Variants in THSD4 observed in about 807,000 individuals in gnomAD.
THSD4 encodes the protein thrombospondin type-1 domain-containing protein 4.
A neutral mutation model predicts 119.0 loss-of-function variants in THSD4; 69 were observed. The ratio of observed to expected loss-of-function variants is 0.58; its 90% CI spans 0.48 to 0.71. The LOEUF is 0.71. Among genes scored for constraint, THSD4 ranks in the 30% least tolerant of loss-of-function variants. THSD4 has a pLI of 0.00. For missense variants in THSD4, 1,393 were observed against 1,391.1 expected (o/e 1.00, Z -0.02); for synonymous variants, 524 against 540.4 (o/e 0.97, Z 0.42).
At chr15:71,392,060 TAAAAG>T (rs1325525618) in intron 6 of THSD4, among the ~76,000 whole-genome samples, 2 of 152,162 alleles carry the variant, frequency 1.3e-5, no homozygotes, top group African/African-American at 4.8e-5. Context: ...CAGAGAAAAT[TAAAAG>T]AACAGGCAGC....
intron 4 of THSD4, among the ~76,000 whole-genome samples, chr15:71,229,565 G>T (rs958720905): frequency 6.6e-6 from 1 of 152,136 alleles, no homozygotes; most frequent in African/African-American, 2.4e-5. Context: ...ATAATGACAA[G>T]AAAAAAGTCT....
At chr15:71,403,109 T>C (rs908779006) in intron 6 of THSD4, among the ~76,000 whole-genome samples, 4 of 152,152 alleles carry the variant, frequency 2.6e-5, no homozygotes, top group Admixed American at 1.3e-4. Context: ...TACAGCTGTC[T>C]TGTTGGGATC....
At chr15:71,514,392 AG>A (rs1470344750) in intron 7 of THSD4, among the ~76,000 whole-genome samples, 2 of 152,198 alleles carry the variant, frequency 1.3e-5, no homozygotes, top group Admixed American at 1.3e-4. Context: ...GGAGCCTGCC[AG>A]TAGAGAAGGT....
intron 1 of THSD4, among the ~76,000 whole-genome samples, chr15:71,119,037 G>A (rs2040387482): frequency 6.6e-6 from 1 of 152,218 alleles, no homozygotes; most frequent in South Asian, 2.1e-4. Flanking sequence ...GCCATGCTTA[G>A]TGAGCACTGG....
intron 11 of THSD4, among the ~76,000 whole-genome samples, chr15:71,740,565 A>G (rs2053214990): frequency 6.6e-6 from 1 of 152,150 alleles, no homozygotes; most frequent in African/African-American, 2.4e-5. Context: ...GGGCAAATGC[A>G]TGTGCTGGTT....
At chr15:71,476,244 T>G (rs567367116) in intron 7 of THSD4, among the ~76,000 whole-genome samples, 1 of 152,348 alleles carries the variant, frequency 6.6e-6, no homozygotes, top group East Asian at 1.9e-4. Flanking sequence ...TATATTCCTT[T>G]TTTTTGAGGC....
intron 8 of THSD4, among the ~76,000 whole-genome samples, chr15:71,715,367 G>A (rs532646485): frequency 9.2e-5 from 14 of 152,268 alleles, no homozygotes; most frequent in Admixed American, 2.0e-4. Context: ...TGGATCATTT[G>A]AAATTCCCCT....
chr15:71,688,707 C>CTGTGTGTA (rs1555441611), intron 8 of THSD4, among the ~76,000 whole-genome samples: 1 of 133,438 alleles, frequency 7.5e-6, no homozygotes, highest in Non-Finnish European at 1.6e-5. Flanking sequence ...TTTTGTATCT[C>CTGTGTGTA]TGTGTGTGTG....
In THSD4 at chr15:71,624,475, A is replaced by T. The variant is rs140217629; in HGVS notation, c.1153-36055A>T. ...TTTTGGTGGGGAGGAAATGTCCAAT[A>T]AATCTGCCAGTATATTTCTTTGCCA... On this transcript the variant is annotated intron_variant, in intron 7 of 17. Transcript: ENST00000261862. 1.3e-3 allele frequency among the ~76,000 whole-genome samples: 192 copies of T among 152,350 alleles called. 1 individual carries two copies. The highest frequency in any genetic ancestry group is 4.3e-3 in the African/African-American group (179 of 41,584).
chr15:71,361,761 G>A (rs2045894312), intron 6 of THSD4, among the ~76,000 whole-genome samples: 1 of 152,062 alleles, frequency 6.6e-6, no homozygotes, highest in Non-Finnish European at 1.5e-5. Flanking sequence ...GAGAAAAAAC[G>A]GGTCAAACAA....
At chr15:71,675,919 T>C (rs1437762490) in intron 8 of THSD4, among the ~76,000 whole-genome samples, 1 of 152,218 alleles carries the variant, frequency 6.6e-6, no homozygotes, top group African/African-American at 2.4e-5. Context: ...TTCCACTGAA[T>C]TCCTTGCAGC....
At chr15:71,608,957 C>T (rs1050907643) in intron 7 of THSD4, among the ~76,000 whole-genome samples, 1 of 152,160 alleles carries the variant, frequency 6.6e-6, no homozygotes, top group African/African-American at 2.4e-5. Flanking sequence ...CTCAAGAGGA[C>T]ATCAGTCTCT....
chr15:71,580,910 T>A (rs577349596), intron 7 of THSD4, among the ~76,000 whole-genome samples: 19 of 152,186 alleles, frequency 1.2e-4, no homozygotes, highest in Admixed American at 6.5e-4. Flanking sequence ...TATGTGTGTG[T>A]TATATATATA....
At chr15:71,219,997 G>A (rs1329062785) in intron 4 of THSD4, among the ~76,000 whole-genome samples, 2 of 152,174 alleles carry the variant, frequency 1.3e-5, no homozygotes, top group African/African-American at 4.8e-5. Context: ...TAATAGTGAA[G>A]GCTTAAAATG....
intron 2 of THSD4, among the ~76,000 whole-genome samples, chr15:71,150,722 A>G (rs2040713156): frequency 6.6e-6 from 1 of 152,220 alleles, no homozygotes; most frequent in Admixed American, 6.5e-5. Context: ...GGTTTTTTGG[A>G]GAGGGGTAAC....
intron 7 of THSD4, among the ~76,000 whole-genome samples, chr15:71,458,191 A>G (rs2140603611): frequency 6.6e-6 from 1 of 152,340 alleles, no homozygotes; most frequent in South Asian, 2.1e-4. Flanking sequence ...TCTTTCACAG[A>G]TAATAAAACT....
intron 7 of THSD4, among the ~76,000 whole-genome samples, chr15:71,520,988 A>G (rs1404604201): frequency 2.0e-5 from 3 of 152,234 alleles, no homozygotes; most frequent in Non-Finnish European, 4.4e-5. Flanking sequence ...AGTGGCTAGC[A>G]TCTTCCTTCC....
At chr15:71,583,261 T>G (rs2049593810) in intron 7 of THSD4, among the ~76,000 whole-genome samples, 1 of 152,152 alleles carries the variant, frequency 6.6e-6, no homozygotes. Context: ...TCAGTTATAA[T>G]CTCTCCGCTT....
chr15:71,265,074 C>T (rs371944008), intron 6 of THSD4, among the ~76,000 whole-genome samples: 48 of 152,024 alleles, frequency 3.2e-4, no homozygotes, highest in African/African-American at 1.1e-3. Context: ...GGACCCAGGC[C>T]GATAGAAGCT....
Sources: allele counts gnomAD v4.1 joint callset (sites outside exome capture counted in the v4.1 genomes callset), GRCh38; gene constraint gnomAD v4.1.1; transcripts MANE v1.5; gene names NCBI Gene and HGNC (gene_info 2026-07-23, HGNC 2026-07-21).